MSI2: variants seen among roughly 807,000 people sequenced by gnomAD.
MSI2 encodes RNA-binding protein Musashi homolog 2.
A neutral mutation model predicts 45.6 loss-of-function variants in MSI2; 17 were observed. That is an observed-to-expected ratio of 0.37 (90% CI 0.26 to 0.56). MSI2 has a LOEUF of 0.56. MSI2 is among the 20% of genes least tolerant of loss of function. The probability of loss-of-function intolerance (pLI) is 0.77; values close to 1 mark genes in which losing one functional copy is unlikely to be tolerated. For synonymous variants in MSI2, 156 were observed against 158.2 expected, an observed-to-expected ratio of 0.99 and a Z score of 0.11; for missense variants, 293 against 444.2, an observed-to-expected ratio of 0.66 and a Z score of 3.06.
intron 6 of MSI2, among the ~76,000 whole-genome samples, chr17:57,486,762 T>G (rs753653801): frequency 1.1e-4 from 16 of 152,222 alleles, no homozygotes; most frequent in Non-Finnish European, 1.8e-4. Context: ...AGCTCTTTTA[T>G]CTGCACTCCT....
At chr17:57,358,228 T>TGTGTGTGTG (rs1916583736) in intron 5 of MSI2, among the ~76,000 whole-genome samples, 1 of 151,978 alleles carries the variant, frequency 6.6e-6, no homozygotes. Flanking sequence ...TGTGTGTGTG[T>TGTGTGTGTG]TTATGGACAG....
At chr17:57,454,913 C>T (rs1366011008) in intron 6 of MSI2, among the ~76,000 whole-genome samples, 1 of 152,212 alleles carries the variant, frequency 6.6e-6, no homozygotes, top group Non-Finnish European at 1.5e-5. Flanking sequence ...CCATCTGGGG[C>T]TTCACCTCAT....
At chr17:57,595,669 G>A (rs1457116898) in intron 7 of MSI2, among the ~76,000 whole-genome samples, 1 of 151,898 alleles carries the variant, frequency 6.6e-6, no homozygotes, top group East Asian at 1.9e-4. Context: ...ACCTCCCAGA[G>A]GCCTGAACTC....
chr17:57,541,151 TAG>T (rs55999583), intron 7 of MSI2, among the ~76,000 whole-genome samples: 5,478 of 148,684 alleles, frequency 0.037, 120 homozygotes, highest in African/African-American at 0.057. Flanking sequence ...TACATTTTGG[TAG>T]AGAGAGAGAG....
At chr17:57,374,287 A>G (rs553954827) in intron 5 of MSI2, among the ~76,000 whole-genome samples, 1 of 152,326 alleles carries the variant, frequency 6.6e-6, no homozygotes, top group South Asian at 2.1e-4. Flanking sequence ...GGTAGTTTAT[A>G]CTTAATGTGA....
intron 5 of MSI2, among the ~76,000 whole-genome samples, chr17:57,271,470 G>A (rs1908364568): frequency 6.6e-6 from 1 of 152,134 alleles, no homozygotes; most frequent in East Asian, 1.9e-4. Context: ...TCAATTATGT[G>A]ACAATTTCAA....
chr17:57,345,012 G>A (rs574478448), intron 5 of MSI2, among the ~76,000 whole-genome samples: 4 of 152,178 alleles, frequency 2.6e-5, no homozygotes, highest in East Asian at 3.9e-4. Context: ...GCAGTGAGCC[G>A]AGATTGTGCC....
chr17:57,420,898 C>G (rs777006379), intron 6 of MSI2, among the ~76,000 whole-genome samples: 3 of 152,244 alleles, frequency 2.0e-5, no homozygotes, highest in African/African-American at 7.2e-5. Context: ...AGGCGCAGAG[C>G]GAGCATCGCC....
intron 10 of MSI2, among the ~76,000 whole-genome samples, chr17:57,636,347 A>G (rs1007051593): frequency 6.6e-6 from 1 of 152,148 alleles, no homozygotes; most frequent in Non-Finnish European, 1.5e-5. Context: ...TTTGCAAAAC[A>G]TTCAAAAATG....
At chr17:57,455,907 A>G (rs994711936) in intron 6 of MSI2, among the ~76,000 whole-genome samples, 4 of 152,192 alleles carry the variant, frequency 2.6e-5, no homozygotes, top group African/African-American at 7.2e-5. Context: ...TGTGGGTGTT[A>G]GGCACAGACT....
At chr17:57,576,537 C>T (rs1378335558) in intron 7 of MSI2, among the ~76,000 whole-genome samples, 1 of 152,074 alleles carries the variant, frequency 6.6e-6, no homozygotes, top group Non-Finnish European at 1.5e-5. Context: ...AGGTGGATCA[C>T]CTGAGGTCAG....
chr17:57,346,783 T>G (rs1915652652), intron 5 of MSI2, among the ~76,000 whole-genome samples: 1 of 152,208 alleles, frequency 6.6e-6, no homozygotes, highest in East Asian at 1.9e-4. Context: ...ATTTTTCTAT[T>G]TTTTGTAGCG....
rs756631682 is a variant in MSI2, at chr17:57,596,840, G to A, written c.455-28G>A. The A allele has an allele frequency of 6.3e-7, 1 of 1,576,022 alleles. No homozygotes were observed. Among genetic ancestry groups the A allele is most frequent in the Non-Finnish European group, 8.7e-7 (1 of 1,146,174 alleles). On this transcript the variant is annotated intron_variant, in intron 7 of 13. Transcript: ENST00000284073. The surrounding 1 kb of genome is among the most constrained non-coding windows in gnomAD (Gnocchi z 4.6). ...AACTGAACTCACCCCGCCTCTCTTT[G>A]TTTTTTCTTCTCTCTCTTTTCCTTT...
intron 6 of MSI2, among the ~76,000 whole-genome samples, chr17:57,445,048 C>T (rs182177866): frequency 7.2e-5 from 11 of 152,188 alleles, no homozygotes; most frequent in African/African-American, 2.2e-4. Context: ...GATATCTGGG[C>T]GTTTTTCATA....
intron 6 of MSI2, among the ~76,000 whole-genome samples, chr17:57,463,990 CGTGTGTGTGT>C (rs58522672): frequency 2.7e-5 from 4 of 146,294 alleles, no homozygotes; most frequent in Non-Finnish European, 6.0e-5. Context: ...GTTTAATGAA[CGTGTGTGTGT>C]GTGTGTGTGT....
rs546211964 is a variant in MSI2, at chr17:57,562,918, C to G, written c.454+33194C>G. On this transcript the variant is annotated intron_variant, in intron 7 of 13. Coordinates refer to ENST00000284073, the MANE Select transcript of MSI2 (RefSeq NM_138962.4). ...TTCGAGACCAGCCTGACCAACATGA[C>G]GAAACCCTGTCTCTACTAAAAATAC... Among the ~76,000 whole-genome samples, 27 of 151,970 alleles carry G rather than the reference C, an allele frequency of 1.8e-4. 1 individual carries two copies. The South Asian group carries it at 4.4e-3, about 25-fold the overall frequency.
In MSI2 at chr17:57,627,461, G is replaced by A; in HGVS notation, c.727+158G>A. ...TCAAATCCACTGAAGTTCAAGGCCA[G>A]GATGCAGCTCAGAGTTTTTGATTAA... On this transcript the variant is annotated intron_variant, in intron 10 of 13. Transcript: ENST00000284073. This position sits in a 1 kb window ranked among gnomAD's most constrained non-coding sequence, Gnocchi z 4.6. The A allele has an allele frequency of 2.9e-6, 2 of 684,786 alleles. No homozygotes were observed. The highest frequency in any genetic ancestry group is 4.9e-5 in the Admixed American group (2 of 40,782). 42.4% of individuals were successfully genotyped at this position (684,786 alleles called of 1,614,324 possible).
rs567758335 is a variant in MSI2 at position 57,432,832 on chromosome 17, C to T, written c.405+31361C>T. 1.6e-3 allele frequency among the ~76,000 whole-genome samples: 243 copies of T among 152,324 alleles called. 1 individual carries two copies. The highest frequency in any genetic ancestry group is 5.5e-3 in the African/African-American group (228 of 41,580). On this transcript the variant is annotated intron_variant, in intron 6 of 13. Transcript: ENST00000284073. Reference sequence around the variant, plus strand: ...AGCGATTCCTGTGTTCACTCCTTCTCTCTTCTGTCTGCTGTCCCCATCACA... The same window carrying T: ...AGCGATTCCTGTGTTCACTCCTTCTTTCTTCTGTCTGCTGTCCCCATCACA...
At chr17:57,523,513 A>G (rs2086637633) in intron 6 of MSI2, 1 of 152,248 alleles carries the variant, frequency 6.6e-6, no homozygotes, top group African/African-American at 2.4e-5. Context: ...GGGTTCACTC[A>G]TTCACTAAAT....
Sources: gnomAD v4.1 joint callset for allele counts (sites outside exome capture counted in the v4.1 genomes callset) on GRCh38, gnomAD v4.1.1 for gene constraint, Gnocchi (gnomAD v3.1) non-coding constraint, MANE v1.5 for transcripts, NCBI Gene and HGNC (gene_info 2026-07-23, HGNC 2026-07-21) for gene names.